DLG2: variants seen among roughly 807,000 people sequenced by gnomAD.
The protein encoded by DLG2 is disks large homolog 2.
A neutral mutation model predicts 132.5 loss-of-function variants in DLG2; 45 were observed. The observed-to-expected ratio is 0.34, with a 90% CI of 0.27 to 0.44. DLG2 has a LOEUF of 0.44. Ranked by LOEUF, DLG2 falls within the 20% of genes least tolerant of loss-of-function variation. The pLI, the probability that DLG2 is intolerant of heterozygous loss-of-function variation, is 1.00. For missense variants in DLG2, 1,045 were observed against 1,196.9 expected (o/e 0.87, Z 1.87); for synonymous variants, 424 against 419.6 (o/e 1.01, Z -0.13).
chr11:85,278,613 A>AAAG (rs1555026464), intron 4 of DLG2, among the ~76,000 whole-genome samples: 139 of 152,204 alleles, frequency 9.1e-4, no homozygotes, highest in African/African-American at 3.2e-3. Flanking sequence ...AGAAAAAAAA[A>AAAG]AGAGCCTAGC....
chr11:85,138,157 T>A (rs1325150522), intron 5 of DLG2, among the ~76,000 whole-genome samples: 4 of 152,182 alleles, frequency 2.6e-5, no homozygotes, highest in African/African-American at 9.6e-5. Context: ...CTAAATTTTA[T>A]GTCAGTTTTT....
chr11:85,349,416 T>A (rs1290929475), intron 3 of DLG2, among the ~76,000 whole-genome samples: 4 of 152,062 alleles, frequency 2.6e-5, no homozygotes, highest in Non-Finnish European at 5.9e-5. Context: ...TGGACTTTTT[T>A]TTATTATTAT....
chr11:84,134,970 G>A (rs2094550404), intron 9 of DLG2, among the ~76,000 whole-genome samples: 1 of 152,076 alleles, frequency 6.6e-6, no homozygotes, highest in South Asian at 2.1e-4. Context: ...GAAACATAAA[G>A]TGGCTTTCTT....
intron 16 of DLG2, among the ~76,000 whole-genome samples, chr11:83,863,625 T>C (rs1386392408): frequency 6.6e-6 from 1 of 152,026 alleles, no homozygotes; most frequent in East Asian, 1.9e-4. Context: ...GTTTGTTAAG[T>C]AGTATGGTAG....
intron 6 of DLG2, among the ~76,000 whole-genome samples, chr11:85,007,626 C>T (rs1247106975): frequency 1.6e-5 from 2 of 127,492 alleles, no homozygotes; most frequent in African/African-American, 6.1e-5. Flanking sequence ...TGATTGGCCA[C>T]TGCACTCCAG....
At chr11:84,529,523 A>G (rs1441594959) in intron 7 of DLG2, among the ~76,000 whole-genome samples, 1 of 152,180 alleles carries the variant, frequency 6.6e-6, no homozygotes, top group Non-Finnish European at 1.5e-5. Context: ...AGCAAAATCG[A>G]GAACTCAATC....
At chr11:84,112,137 C>T (rs546746465) in intron 9 of DLG2, among the ~76,000 whole-genome samples, 1 of 151,910 alleles carries the variant, frequency 6.6e-6, no homozygotes, top group East Asian at 1.9e-4. Context: ...CTCAGCCTCC[C>T]CTCAGGCGCC....
At chr11:83,623,259 T>C (rs750744654) in intron 19 of DLG2, among the ~76,000 whole-genome samples, 31 of 152,218 alleles carry the variant, frequency 2.0e-4, no homozygotes, top group Non-Finnish European at 3.8e-4. Context: ...TTTTGAAAAT[T>C]TAATCTGAGA....
chr11:84,203,927 G>C (rs1414309569), intron 8 of DLG2, among the ~76,000 whole-genome samples: 2 of 152,082 alleles, frequency 1.3e-5, no homozygotes, highest in African/African-American at 4.8e-5. Flanking sequence ...ATGTGTCCCT[G>C]AACTTAAAAT....
At chr11:85,182,792 A>G (rs2079807919) in intron 4 of DLG2, among the ~76,000 whole-genome samples, 1 of 150,852 alleles carries the variant, frequency 6.6e-6, no homozygotes, top group South Asian at 2.1e-4. Context: ...ATTAAAAACA[A>G]AAAGAAAAAA....
At chr11:83,743,364 C>A (rs575548731) in intron 18 of DLG2, among the ~76,000 whole-genome samples, 1 of 150,530 alleles carries the variant, frequency 6.6e-6, no homozygotes, top group Non-Finnish European at 1.5e-5. Context: ...CCCTAAGCAC[C>A]CTACTTTATA....
chr11:84,029,256 A>G (rs1214633015), intron 11 of DLG2, among the ~76,000 whole-genome samples: 1 of 152,140 alleles, frequency 6.6e-6, no homozygotes, highest in African/African-American at 2.4e-5. Flanking sequence ...AATAAAAAAG[A>G]TAGTATAATC....
chr11:85,608,798 G>A (rs140981549), intron 2 of DLG2, among the ~76,000 whole-genome samples: 27 of 152,274 alleles, frequency 1.8e-4, no homozygotes, highest in African/African-American at 5.8e-4. Flanking sequence ...GGTCCTGATA[G>A]GTACATAGAT....
At chr11:84,498,214 G>C (rs375992300) in intron 7 of DLG2, among the ~76,000 whole-genome samples, 32 of 152,074 alleles carry the variant, frequency 2.1e-4, no homozygotes, top group East Asian at 9.6e-4. Flanking sequence ...CCTAGGTTTG[G>C]GCTAAATTCT....
At chr11:84,148,529 C>T (rs1380509834) in intron 9 of DLG2, among the ~76,000 whole-genome samples, 1 of 152,152 alleles carries the variant, frequency 6.6e-6, no homozygotes, top group Admixed American at 6.5e-5. Flanking sequence ...CCTCCACCTG[C>T]ATCCATGTTG....
At chr11:85,187,442 T>A (rs1435650850) in intron 4 of DLG2, among the ~76,000 whole-genome samples, 1 of 152,106 alleles carries the variant, frequency 6.6e-6, no homozygotes, top group Middle Eastern at 3.2e-3. Context: ...AATTCTGCTT[T>A]TAATGTTATT....
chr11:84,745,278 G>C (rs188742912), intron 6 of DLG2, among the ~76,000 whole-genome samples: 1 of 152,144 alleles, frequency 6.6e-6, no homozygotes, highest in Non-Finnish European at 1.5e-5. Flanking sequence ...TCATGGGGAT[G>C]GTTTCTTATA....
chr11:84,159,846 A>C (rs2095508009), intron 9 of DLG2, among the ~76,000 whole-genome samples: 1 of 152,136 alleles, frequency 6.6e-6, no homozygotes, highest in Non-Finnish European at 1.5e-5. Flanking sequence ...TTTGTAATAT[A>C]TTTTCATGGT....
At chr11:84,358,032 A>C in intron 7 of DLG2, among the ~76,000 whole-genome samples, 1 of 152,032 alleles carries the variant, frequency 6.6e-6, no homozygotes, top group East Asian at 1.9e-4. Flanking sequence ...TACTACAATG[A>C]CAATTACCCA....
Sources: gnomAD v4.1 joint callset for allele counts (sites outside exome capture counted in the v4.1 genomes callset) on GRCh38, gnomAD v4.1.1 for gene constraint, MANE v1.5 for transcripts, NCBI Gene and HGNC (gene_info 2026-07-23, HGNC 2026-07-21) for gene names.